The following CTNNA2 variants were observed in gnomAD, a reference collection of about 807,000 sequenced individuals.
The protein encoded by CTNNA2 is catenin alpha-2.
CTNNA2 carries 42 observed loss-of-function variants against 101.0 expected under a neutral mutation model. The observed-to-expected ratio is 0.42, with a 90% CI of 0.32 to 0.54. CTNNA2 has a LOEUF of 0.54. CTNNA2 is among the 20% of genes least tolerant of loss of function. CTNNA2 has a pLI of 0.14. For missense variants in CTNNA2, 871 were observed against 1,223.1 expected, an observed-to-expected ratio of 0.71 and a Z score of 4.29; for synonymous variants, 450 against 456.4, an observed-to-expected ratio of 0.99 and a Z score of 0.18.
At chr2:79,564,529 A>T (rs1342113439) in intron 1 of CTNNA2, among the ~76,000 whole-genome samples, 1 of 152,136 alleles carries the variant, frequency 6.6e-6, no homozygotes, top group Non-Finnish European at 1.5e-5. Context: ...GAGGGGGCTT[A>T]CGCATTCTTA....
chr2:80,223,790 G>A (rs1708713436), intron 7 of CTNNA2, among the ~76,000 whole-genome samples: 1 of 152,132 alleles, frequency 6.6e-6, no homozygotes, highest in African/African-American at 2.4e-5. Context: ...TTAAGGCTTT[G>A]AATCAATGCT....
At chr2:79,557,929 T>C (rs1185851379) in intron 1 of CTNNA2, among the ~76,000 whole-genome samples, 1 of 151,976 alleles carries the variant, frequency 6.6e-6, no homozygotes, top group African/African-American at 2.4e-5. Flanking sequence ...ATTCTCCTGG[T>C]GACAGTTGGG....
intron 7 of CTNNA2, among the ~76,000 whole-genome samples, chr2:80,241,513 C>T (rs1364866612): frequency 9.2e-5 from 14 of 152,014 alleles, no homozygotes; most frequent in Admixed American, 9.2e-4. Context: ...GAACACCCTT[C>T]TTACATTCCT....
chr2:79,268,313 G>C (rs868656286), intron 2 of CTNNA2, among the ~76,000 whole-genome samples: 2 of 152,104 alleles, frequency 1.3e-5, no homozygotes, highest in Non-Finnish European at 1.5e-5. Context: ...TGGCTAAGAG[G>C]CCTCGGTGTT....
chr2:80,256,924 C>T (rs938109452), intron 7 of CTNNA2, among the ~76,000 whole-genome samples: 8 of 152,160 alleles, frequency 5.3e-5, no homozygotes, highest in African/African-American at 1.4e-4. Context: ...GTGTCTAGAA[C>T]ACTCACTTGA....
intron 2 of CTNNA2, among the ~76,000 whole-genome samples, chr2:79,212,049 G>A (rs1674181194): frequency 6.6e-6 from 1 of 152,070 alleles, no homozygotes; most frequent in Non-Finnish European, 1.5e-5. Flanking sequence ...ATGGATTAAA[G>A]GTCTAAGAAT....
intron 7 of CTNNA2, among the ~76,000 whole-genome samples, chr2:80,159,457 G>A (rs753252498): frequency 1.3e-5 from 2 of 152,176 alleles, no homozygotes; most frequent in Non-Finnish European, 2.9e-5. Context: ...TAGGTATATA[G>A]TGATATCTCA....
chr2:79,402,544 T>C (rs1678301110), intron 4 of CTNNA2, among the ~76,000 whole-genome samples: 1 of 151,808 alleles, frequency 6.6e-6, no homozygotes, highest in Non-Finnish European at 1.5e-5. Flanking sequence ...AATAGAACAA[T>C]TATAACAATA....
chr2:79,241,318 G>T (rs569394551), intron 2 of CTNNA2, among the ~76,000 whole-genome samples: 1 of 152,248 alleles, frequency 6.6e-6, no homozygotes, highest in Non-Finnish European at 1.5e-5. Context: ...TATCACAGTG[G>T]CAAAGTGAGA....
At chr2:79,590,873 A>G (rs912710453) in intron 1 of CTNNA2, among the ~76,000 whole-genome samples, 1 of 152,194 alleles carries the variant, frequency 6.6e-6, no homozygotes, top group Non-Finnish European at 1.5e-5. Context: ...TATAAAAATA[A>G]CTACTTTAAT....
intron 2 of CTNNA2, among the ~76,000 whole-genome samples, chr2:79,219,155 A>T (rs1202315066): frequency 2.0e-5 from 3 of 152,182 alleles, no homozygotes; most frequent in Non-Finnish European, 4.4e-5. Context: ...CTAAGAAAAC[A>T]TTATTCTTAA....
chr2:80,004,751 G>A (rs1271506982), intron 7 of CTNNA2, among the ~76,000 whole-genome samples: 2 of 151,212 alleles, frequency 1.3e-5, no homozygotes, highest in Non-Finnish European at 2.9e-5. Context: ...TGCCCAGGCT[G>A]GAGTGCAGTG....
intron 8 of CTNNA2, 96 bp from the exon 9 acceptor site, chr2:80,419,353 A>C: frequency 3.2e-6 from 3 of 924,388 alleles, no homozygotes; most frequent in Non-Finnish European, 4.9e-6. Context: ...TATTATCTCC[A>C]TGGGTAATGA....
At chr2:80,374,742 G>C (rs1675777433) in intron 7 of CTNNA2, among the ~76,000 whole-genome samples, 1 of 150,614 alleles carries the variant, frequency 6.6e-6, no homozygotes, top group Admixed American at 6.7e-5. Flanking sequence ...AAGGATACCA[G>C]TCATATTGGA....
intron 7 of CTNNA2, among the ~76,000 whole-genome samples, chr2:80,364,987 C>T (rs1674783488): frequency 6.6e-6 from 1 of 152,090 alleles, no homozygotes; most frequent in African/African-American, 2.4e-5. Flanking sequence ...TTGGCTAAAG[C>T]GTGCTCCTAC....
chr2:79,687,493 T>C, intron 2 of CTNNA2: 3 of 570,216 alleles, frequency 5.3e-6, no homozygotes, highest in Non-Finnish European at 9.5e-6. Flanking sequence ...TTCATTTTTA[T>C]TTGCATTACC....
intron 7 of CTNNA2, among the ~76,000 whole-genome samples, chr2:80,049,092 A>G (rs1696709113): frequency 6.6e-6 from 1 of 152,220 alleles, no homozygotes; most frequent in South Asian, 2.1e-4. Flanking sequence ...GTAACAATAG[A>G]ACATTAAATG....
intron 3 of CTNNA2, among the ~76,000 whole-genome samples, chr2:79,822,439 A>G (rs1678086402): frequency 6.6e-6 from 1 of 152,172 alleles, no homozygotes; most frequent in South Asian, 2.1e-4. Context: ...TAGTATAAAA[A>G]TCTTATAGCA....
chr2:79,815,208 C>T (rs1677392480), intron 3 of CTNNA2, among the ~76,000 whole-genome samples: 1 of 152,036 alleles, frequency 6.6e-6, no homozygotes, highest in African/African-American at 2.4e-5. Flanking sequence ...AGATTTTCTC[C>T]CACTCTGTGG....
Sources: allele counts gnomAD v4.1 joint callset (sites outside exome capture counted in the v4.1 genomes callset), GRCh38; gene constraint gnomAD v4.1.1; transcripts MANE v1.5; gene names NCBI Gene and HGNC (gene_info 2026-07-23, HGNC 2026-07-21).